Variants in OPCML observed in about 807,000 individuals in gnomAD.
OPCML encodes opioid binding protein/cell adhesion molecule like, also known as opioid-binding protein/cell adhesion molecule.
OPCML carries 13 observed loss-of-function variants against 37.8 expected under a neutral mutation model. The observed-to-expected ratio is 0.34, with a 90% CI of 0.22 to 0.55. The LOEUF (loss-of-function observed/expected upper bound fraction) is 0.55, where lower values mean the gene tolerates loss of function less well. Among genes scored for constraint, OPCML ranks in the 20% least tolerant of loss-of-function variants. The pLI, the probability that OPCML is intolerant of heterozygous loss-of-function variation, is 0.91. For synonymous variants in OPCML, 176 were observed against 168.8 expected, an observed-to-expected ratio of 1.04 and a Z score of -0.33; for missense variants, 341 against 435.6, an observed-to-expected ratio of 0.78 and a Z score of 1.93.
intron 1 of OPCML, among the ~76,000 whole-genome samples, chr11:133,411,338 C>G (rs960774558): frequency 1.3e-5 from 2 of 152,168 alleles, no homozygotes; most frequent in Non-Finnish European, 2.9e-5. Context: ...GTTTTTGGAG[C>G]AATATTCACA....
chr11:133,104,616 T>C (rs1177538852), intron 1 of OPCML, among the ~76,000 whole-genome samples: 1 of 152,182 alleles, frequency 6.6e-6, no homozygotes, highest in African/African-American at 2.4e-5. Flanking sequence ...ACATTGAAAG[T>C]AAAACATGTC....
At chr11:133,382,410 G>T (rs993338507) in intron 1 of OPCML, among the ~76,000 whole-genome samples, 1 of 152,152 alleles carries the variant, frequency 6.6e-6, no homozygotes, top group South Asian at 2.1e-4. Flanking sequence ...AGGCCAGGAG[G>T]GGCATTGGCC....
intron 2 of OPCML, among the ~76,000 whole-genome samples, chr11:132,809,511 T>G (rs1291682643): frequency 6.6e-6 from 1 of 152,190 alleles, no homozygotes; most frequent in Non-Finnish European, 1.5e-5. Context: ...TTAATGTTCC[T>G]TACTATAGAT....
At chr11:132,493,121 G>T (rs2096221239) in intron 4 of OPCML, among the ~76,000 whole-genome samples, 2 of 152,210 alleles carry the variant, frequency 1.3e-5, no homozygotes, top group South Asian at 4.1e-4. Context: ...TTTCTGTGAG[G>T]CTAAATTGAG....
chr11:132,795,500 G>C (rs1272074298), intron 2 of OPCML, among the ~76,000 whole-genome samples: 1 of 152,140 alleles, frequency 6.6e-6, no homozygotes, highest in Non-Finnish European at 1.5e-5. Flanking sequence ...ATTGGGCATG[G>C]CACTTAAAAC....
At chr11:132,653,422 G>A (rs141321653) in intron 3 of OPCML, among the ~76,000 whole-genome samples, 408 of 152,206 alleles carry the variant, frequency 2.7e-3, no homozygotes, top group African/African-American at 9.0e-3. Context: ...CCTGCTCTGC[G>A]GGGCTGCCAG....
rs577514056 is a variant in OPCML at position 133,319,989 on chromosome 11, A to G, written c.61+212275T>C. Among the ~76,000 whole-genome samples, 8 of 152,342 alleles carry G rather than the reference A, an allele frequency of 5.3e-5. No individual in the cohort carries two copies. The South Asian group carries it at 1.5e-3, about 28-fold the overall frequency. Reference sequence around the variant, plus strand: ...ACCTTCAAAGTTTTCCAGGAAATGCATTGTAGAAACTGGATCTGACTCTGC... The same window carrying G: ...ACCTTCAAAGTTTTCCAGGAAATGCGTTGTAGAAACTGGATCTGACTCTGC... On this transcript the variant is annotated intron_variant, in intron 1 of 7. Coordinates refer to ENST00000524381, the MANE Select transcript of OPCML (RefSeq NM_001012393.5).
chr11:132,569,248 C>T (rs2096431682), intron 3 of OPCML, among the ~76,000 whole-genome samples: 1 of 152,188 alleles, frequency 6.6e-6, no homozygotes, highest in Non-Finnish European at 1.5e-5. Flanking sequence ...GTTCAATATG[C>T]TCCGTGTCCT....
At chr11:132,716,222 G>C (rs1046017017) in intron 2 of OPCML, among the ~76,000 whole-genome samples, 1 of 152,172 alleles carries the variant, frequency 6.6e-6, no homozygotes, top group Non-Finnish European at 1.5e-5. Context: ...CTCCAGCCAT[G>C]TCCTTGACCC....
intron 1 of OPCML, among the ~76,000 whole-genome samples, chr11:133,493,331 A>C (rs1947707499): frequency 6.6e-6 from 1 of 152,238 alleles, no homozygotes; most frequent in African/African-American, 2.4e-5. Context: ...ATTATTACAC[A>C]AATGACATAC....
chr11:133,360,137 C>T (rs539433071), intron 1 of OPCML: 2 of 152,316 alleles, frequency 1.3e-5, no homozygotes, highest in Admixed American at 6.5e-5. Flanking sequence ...TGTATAATTG[C>T]CCATCAGGAT....
chr11:132,780,752 T>C (rs879380672), intron 2 of OPCML, among the ~76,000 whole-genome samples: 65 of 152,296 alleles, frequency 4.3e-4, no homozygotes, highest in Middle Eastern at 3.4e-3. Flanking sequence ...CATTGGCAAG[T>C]AGGGGAGGGG....
chr11:132,973,818 G>A (rs192449552), intron 1 of OPCML, among the ~76,000 whole-genome samples: 103 of 152,052 alleles, frequency 6.8e-4, no homozygotes, highest in African/African-American at 2.3e-3. Flanking sequence ...CTTTGCTCTC[G>A]GCAGATGATC....
chr11:133,289,803 G>A (rs1942423670), intron 1 of OPCML, among the ~76,000 whole-genome samples: 1 of 152,006 alleles, frequency 6.6e-6, no homozygotes, highest in Admixed American at 6.5e-5. Context: ...TTCTTCCTTG[G>A]TGTTTTAAAA....
chr11:132,635,038 T>C (rs1220422723), intron 3 of OPCML, among the ~76,000 whole-genome samples: 1 of 152,174 alleles, frequency 6.6e-6, no homozygotes, highest in Non-Finnish European at 1.5e-5. Context: ...TGTGCAATTG[T>C]GTTTGGAAAT....
At chr11:133,365,748 G>C (rs1475944974) in intron 1 of OPCML, 1 of 152,232 alleles carries the variant, frequency 6.6e-6, no homozygotes, top group African/African-American at 2.4e-5. Flanking sequence ...TCAGTGTGAA[G>C]GCATTTGTGT....
chr11:133,528,330 T>C (rs1948529899), intron 1 of OPCML, among the ~76,000 whole-genome samples: 1 of 152,220 alleles, frequency 6.6e-6, no homozygotes, highest in Non-Finnish European at 1.5e-5. Flanking sequence ...GGCCACATGA[T>C]GGCGTGAATC....
intron 1 of OPCML, among the ~76,000 whole-genome samples, chr11:133,103,656 TTG>T (rs1949117414): frequency 6.6e-6 from 1 of 152,244 alleles, no homozygotes; most frequent in African/African-American, 2.4e-5. Context: ...TCATGTGTTG[TTG>T]TGTTAAAAAT....
chr11:132,464,126 C>G (rs1239955088), intron 4 of OPCML, among the ~76,000 whole-genome samples: 1 of 152,176 alleles, frequency 6.6e-6, no homozygotes, highest in Non-Finnish European at 1.5e-5. Flanking sequence ...GCTGCCTTCC[C>G]AGCAGATGGA....
Sources: allele counts gnomAD v4.1 joint callset (sites outside exome capture counted in the v4.1 genomes callset), GRCh38; gene constraint gnomAD v4.1.1; transcripts MANE v1.5; gene names NCBI Gene and HGNC (gene_info 2026-07-23, HGNC 2026-07-21).